PTPRS: variants seen among roughly 807,000 people sequenced by gnomAD.
PTPRS encodes the protein protein tyrosine phosphatase receptor type S.
In PTPRS, 63 loss-of-function variants were observed where a neutral mutation model predicts 215.3. That is an observed-to-expected ratio of 0.29 (90% CI 0.24 to 0.36). The LOEUF (loss-of-function observed/expected upper bound fraction) is 0.36. Among genes scored for constraint, PTPRS ranks in the 10% least tolerant of loss-of-function variants. The pLI, the probability that PTPRS is intolerant of heterozygous loss-of-function variation, is 1.00. For synonymous variants in PTPRS, 1,404 were observed against 1,191.4 expected (o/e 1.18, Z -3.68); for missense variants, 2,258 against 2,825.8 (o/e 0.80, Z 4.56).
chr19:5,315,150 G>T (rs888484010), intron 1 of PTPRS, among the ~76,000 whole-genome samples: 9 of 151,806 alleles, frequency 5.9e-5, no homozygotes, highest in African/African-American at 4.8e-5. Context: ...TCACTTCTTA[G>T]ATCAGCCACC....
At chr19:5,327,138 C>T (rs75779477) in intron 1 of PTPRS, among the ~76,000 whole-genome samples, 17,012 of 152,204 alleles carry the variant, frequency 0.11, 1,256 homozygotes, top group Non-Finnish European at 0.16. Context: ...CAGGGCTTGC[C>T]GTAGGTGCCC....
chr19:5,228,599 C>T (rs1388960949), intron 16 of PTPRS, among the ~76,000 whole-genome samples: 1 of 152,110 alleles, frequency 6.6e-6, no homozygotes, highest in African/African-American at 2.4e-5. Context: ...CTGCCTCAAC[C>T]TCCCAAAGTG....
chr19:5,269,852 C>T (rs1443771701), intron 4 of PTPRS, among the ~76,000 whole-genome samples: 3 of 135,738 alleles, frequency 2.2e-5, no homozygotes, highest in African/African-American at 8.4e-5. Context: ...ACCCAGGAGG[C>T]GGAGGTTGCA....
At chr19:5,217,696 C>T (rs764318419) in intron 25 of PTPRS, among the ~76,000 whole-genome samples, 23 of 152,070 alleles carry the variant, frequency 1.5e-4, no homozygotes, top group Non-Finnish European at 2.9e-4. Context: ...AAGTGGAGAC[C>T]GGGTACAGTT....
chr19:5,213,366 G>A (rs1228351740), intron 30 of PTPRS, among the ~76,000 whole-genome samples: 1 of 152,218 alleles, frequency 6.6e-6, no homozygotes, highest in South Asian at 2.1e-4. Context: ...TGCATGACCA[G>A]GCACGGTCCT....
At chr19:5,312,893 G>C (rs1263917738) in intron 1 of PTPRS, among the ~76,000 whole-genome samples, 1 of 152,154 alleles carries the variant, frequency 6.6e-6, no homozygotes, top group Non-Finnish European at 1.5e-5. Flanking sequence ...AGTCCAGGCT[G>C]CTGAGCCCCA....
At chr19:5,335,058 C>T (rs1246544042) in intron 1 of PTPRS, among the ~76,000 whole-genome samples, 4 of 152,162 alleles carry the variant, frequency 2.6e-5, no homozygotes, top group Admixed American at 2.6e-4. Context: ...TTCCCCAGAA[C>T]CCCTGAATTT....
intron 9 of PTPRS, among the ~76,000 whole-genome samples, chr19:5,252,252 T>C (rs913685665): frequency 2.0e-5 from 3 of 152,070 alleles, no homozygotes; most frequent in Non-Finnish European, 4.4e-5. Context: ...TCCAAAACCT[T>C]GAAGATATCC....
chr19:5,217,378 C>G (rs1475036760), intron 25 of PTPRS, among the ~76,000 whole-genome samples: 1 of 152,074 alleles, frequency 6.6e-6, no homozygotes, highest in African/African-American at 2.4e-5. Context: ...AAAACCAAAG[C>G]AACACGAATC....
Position 5,257,150 on chromosome 19 carries a change from G to C in PTPRS, c.706+867C>G, listed in dbSNP as rs774416966. Among the ~76,000 whole-genome samples the C allele has an allele frequency of 3.3e-5, 5 of 150,476 alleles. No individual in the cohort carries two copies. Among genetic ancestry groups the C allele is most frequent in the African/African-American group, 7.3e-5 (3 of 40,856 alleles). On this transcript the variant is annotated intron_variant, in intron 8 of 37. Transcript: ENST00000262963. The surrounding 1 kb of genome is among the most constrained non-coding windows in gnomAD (Gnocchi z 4.4). ...ACCCAAGAGCCAACACACGAGATAAGAGGAGGCCAACGGAGGCATCTGGGG... is the reference window on the plus strand; with the variant it reads ...ACCCAAGAGCCAACACACGAGATAACAGGAGGCCAACGGAGGCATCTGGGG...
At chr19:5,207,228 G>A (rs2040439977) in intron 37 of PTPRS, among the ~76,000 whole-genome samples, 1 of 152,240 alleles carries the variant, frequency 6.6e-6, no homozygotes, top group African/African-American at 2.4e-5. Flanking sequence ...GGGATGACAG[G>A]CGTGTACCAC....
intron 17 of PTPRS, among the ~76,000 whole-genome samples, chr19:5,225,287 C>T (rs2042381381): frequency 6.6e-6 from 1 of 151,936 alleles, no homozygotes. Context: ...ATGGGGGAAG[C>T]ACAGGAGACT....
At chr19:5,337,185 A>T (rs1405340258) in intron 1 of PTPRS, among the ~76,000 whole-genome samples, 11 of 152,220 alleles carry the variant, frequency 7.2e-5, no homozygotes, top group Admixed American at 6.5e-4. Flanking sequence ...GCCGAAAAAC[A>T]TTAAGCTTTG....
intron 4 of PTPRS, among the ~76,000 whole-genome samples, chr19:5,267,231 C>A (rs933977881): frequency 3.3e-5 from 5 of 151,874 alleles, no homozygotes; most frequent in Non-Finnish European, 7.4e-5. Flanking sequence ...GGAGCGGGGA[C>A]AAGGAGGAGA....
chr19:5,312,623 T>C (rs1340194810), intron 1 of PTPRS, among the ~76,000 whole-genome samples: 1 of 152,170 alleles, frequency 6.6e-6, no homozygotes, highest in African/African-American at 2.4e-5. Flanking sequence ...ATCACACCAC[T>C]GCACTTCAGT....
Position 5,212,414 on chromosome 19 carries a change from T to C in PTPRS, c.4692A>G (p.Pro1564=). 1.2e-6 allele frequency: 2 copies of C among 1,604,866 alleles called. No individual in the cohort carries two copies. The highest frequency in any genetic ancestry group is 2.3e-5 in the East Asian group (1 of 44,402). ...AWPDHGVPEY[P]TPFLAFLRRV... ...TCCGCAGGAAAGCCAGGAAGGGCGTTGGGTATTCGGGCACGCCATGGTCCG... is the reference window on the plus strand; with the variant it reads ...TCCGCAGGAAAGCCAGGAAGGGCGTCGGGTATTCGGGCACGCCATGGTCCG... Residue 1564 remains proline (P), a synonymous_variant, in exon 31 of 38, where the codon CCA becomes CCG. Coordinates refer to ENST00000262963, the MANE Select transcript of PTPRS (RefSeq NM_002850.4).
chr19:5,221,106 TCCAGGCGGTGACCGTCTGCTGGAGGCCGC>T lies in PTPRS; in HGVS notation c.3320_3348del (p.Gly1107AspfsTer17). 6.2e-7 allele frequency: 1 copy of T among 1,613,932 alleles called. No homozygotes were observed. The highest frequency in any genetic ancestry group is 8.5e-7 in the Non-Finnish European group (1 of 1,179,988). On this transcript the variant is annotated frameshift_variant, in exon 20 of 38. Coordinates refer to ENST00000262963, the MANE Select transcript of PTPRS (RefSeq NM_002850.4). LOFTEE classifies it high-confidence loss of function. ...TTGCCGTTGAGCAGGTTGAAGGCAGTCCAGGCGGTGACCGTCTGCTGGAGGCCGCCCAGGCTGCTGCCGCGATTGGTCAG... is the reference window on the plus strand; with the variant it reads ...TTGCCGTTGAGCAGGTTGAAGGCAGTCCAGGCTGCTGCCGCGATTGGTCAG...
chr19:5,321,873 C>A (rs1414687031), intron 1 of PTPRS, among the ~76,000 whole-genome samples: 1 of 151,824 alleles, frequency 6.6e-6, no homozygotes, highest in Non-Finnish European at 1.5e-5. Context: ...AACCATTTAT[C>A]CAAGCCCCAA....
chr19:5,206,482 G>A lies in PTPRS; in HGVS notation c.*292C>T. 4.7e-6 allele frequency: 2 copies of A among 424,424 alleles called. No homozygotes were observed. Among genetic ancestry groups the A allele is most frequent in the Non-Finnish European group, 8.8e-6 (2 of 227,370 alleles). The allele number at this position is 424,424 out of a possible 1,614,324, so 26.3% of individuals were successfully genotyped here. On this transcript the variant is annotated 3_prime_UTR_variant, in exon 38 of 38. Transcript: ENST00000262963. Reference sequence around the variant, plus strand: ...CTGGTTCTGGGGAGCACTCCTATTTGCTCACCATCCCCCCACCCCCCACCC... The same window carrying A: ...CTGGTTCTGGGGAGCACTCCTATTTACTCACCATCCCCCCACCCCCCACCC...
Sources: gnomAD v4.1 joint callset for allele counts (sites outside exome capture counted in the v4.1 genomes callset) on GRCh38, gnomAD v4.1.1 for gene constraint, Gnocchi (gnomAD v3.1) non-coding constraint, MANE v1.5 for transcripts, NCBI Gene and HGNC (gene_info 2026-07-23, HGNC 2026-07-21) for gene names.